CTDSPL2: variants seen among roughly 807,000 people sequenced by gnomAD.
CTDSPL2 encodes the protein CTD small phosphatase-like protein 2.
In CTDSPL2, 5 loss-of-function variants were observed where a neutral mutation model predicts 60.0. The observed-to-expected ratio is 0.08, with a 90% CI of 0.04 to 0.18. The LOEUF is 0.18. Among genes scored for constraint, CTDSPL2 ranks in the 10% least tolerant of loss-of-function variants. CTDSPL2 has a pLI of 1.00. For synonymous variants in CTDSPL2, 186 were observed against 189.3 expected (o/e 0.98, Z 0.14); for missense variants, 370 against 548.8 (o/e 0.67, Z 3.26).
chr15:44,489,859 C>CT (rs1442318949), intron 4 of CTDSPL2, among the ~76,000 whole-genome samples: 2 of 152,084 alleles, frequency 1.3e-5, no homozygotes, highest in East Asian at 1.9e-4. Flanking sequence ...AAAGAGCAGA[C>CT]TTTTTTTGCA....
intron 2 of CTDSPL2, among the ~76,000 whole-genome samples, chr15:44,468,542 T>C (rs1300114238): frequency 6.6e-6 from 1 of 152,232 alleles, no homozygotes; most frequent in Non-Finnish European, 1.5e-5. Flanking sequence ...GATTTACTTT[T>C]ACTTTTGTAG....
At chr15:44,495,734 GAC>G in intron 5 of CTDSPL2, among the ~76,000 whole-genome samples, 1 of 151,794 alleles carries the variant, frequency 6.6e-6, no homozygotes, top group East Asian at 1.9e-4. Context: ...GGGTGTTTGA[GAC>G]CAGCCAGACC....
At chr15:44,467,097 G>C (rs528581636) in intron 2 of CTDSPL2, among the ~76,000 whole-genome samples, 1 of 152,250 alleles carries the variant, frequency 6.6e-6, no homozygotes, top group Non-Finnish European at 1.5e-5. Context: ...TTCTATATGT[G>C]GTCTGCTGTT....
At chr15:44,446,754 CTTT>C (rs71111859) in intron 1 of CTDSPL2, among the ~76,000 whole-genome samples, 8 of 73,598 alleles carry the variant, frequency 1.1e-4, no homozygotes, top group East Asian at 3.9e-4. Context: ...TCTTGGGGAA[CTTT>C]TTTTTTTTTT....
chr15:44,526,912 A>G lies in CTDSPL2; in HGVS notation c.*2738A>G, dbSNP rs1729540973. On this transcript the variant is annotated 3_prime_UTR_variant, in exon 13 of 13. Coordinates refer to ENST00000260327, the MANE Select transcript of CTDSPL2 (RefSeq NM_016396.3). ...CATTACAACTCTGGAGTACATATTA[A>G]AGTCGTGCTATTTCCAGTGGTAAAT... The G allele has an allele frequency of 6.6e-6, 1 of 152,574 alleles. No individual in the cohort carries two copies. Among genetic ancestry groups the G allele is most frequent in the African/African-American group, 2.4e-5 (1 of 41,458 alleles). 9.5% of individuals were successfully genotyped at this position (152,574 alleles called of 1,614,324 possible). A position where few individuals can be genotyped will look rare whatever the true frequency, so the allele number is the denominator to read the frequency against.
At chr15:44,523,193 C>T (rs1393231380) in intron 12 of CTDSPL2, among the ~76,000 whole-genome samples, 2 of 152,052 alleles carry the variant, frequency 1.3e-5, no homozygotes, top group East Asian at 1.9e-4. Context: ...GACTGGGTTT[C>T]ACCACATTGG....
At chr15:44,493,137 A>G (rs961536396) in intron 5 of CTDSPL2, among the ~76,000 whole-genome samples, 22 of 151,884 alleles carry the variant, frequency 1.4e-4, no homozygotes, top group African/African-American at 5.3e-4. Flanking sequence ...GGAGTTTGTG[A>G]TCTAATTGAA....
At chr15:44,481,700 A>G (rs926650459) in intron 2 of CTDSPL2, among the ~76,000 whole-genome samples, 1 of 152,088 alleles carries the variant, frequency 6.6e-6, no homozygotes, top group Admixed American at 6.6e-5. Context: ...CAGCCTCCCA[A>G]GTAGCTGGGA....
intron 1 of CTDSPL2, among the ~76,000 whole-genome samples, chr15:44,444,682 G>A (rs2080165941): frequency 6.7e-6 from 1 of 150,080 alleles, no homozygotes; most frequent in African/African-American, 2.4e-5. Context: ...CTAATGTTTA[G>A]GTATTTGATC....
At chr15:44,470,657 A>G (rs1320425854) in intron 2 of CTDSPL2, 1 of 152,150 alleles carries the variant, frequency 6.6e-6, no homozygotes, top group East Asian at 1.9e-4. Flanking sequence ...CATGTTGGCC[A>G]GCCTGGTCTT....
intron 2 of CTDSPL2, 60 bp downstream of exon 2, chr15:44,459,260 G>T (rs2080512419): frequency 7.8e-7 from 1 of 1,276,212 alleles, no homozygotes; most frequent in African/African-American, 1.5e-5. Flanking sequence ...GGGCACGGTG[G>T]CTCACGCCTG....
In CTDSPL2 at chr15:44,434,363, G is replaced by A. The variant is rs547741993; in HGVS notation, c.-25+6591G>A. On this transcript the variant is annotated intron_variant, in intron 1 of 12. Coordinates refer to ENST00000260327, the MANE Select transcript of CTDSPL2 (RefSeq NM_016396.3). ...TGCAGTGAGCTGAGATCGTGCCACT[G>A]CACTGCAGCCTGACGGCAGAGCAAG... 3.3e-5 allele frequency among the ~76,000 whole-genome samples: 5 copies of A among 152,256 alleles called. No homozygotes were observed. The East Asian group carries it at 7.7e-4, about 24-fold the overall frequency.
rs751681829 is a variant in CTDSPL2, at chr15:44,486,741, A to G, written c.475+41A>G. The G allele has an allele frequency of 4.7e-5, 63 of 1,339,666 alleles. 2 individuals carry two copies. The East Asian group carries it at 1.6e-3, about 35-fold the overall frequency. The allele number at this position is 1,339,666 out of a possible 1,614,324, so 83.0% of individuals were successfully genotyped here. ...TAACTGTGATTTGGATTTTTTTTAA[A>G]AAAATGCATAGTTTGGGTTTTTTTT... On this transcript the variant is annotated intron_variant, in intron 4 of 12. Transcript: ENST00000260327.
chr15:44,491,741 A>G (rs546710134), intron 5 of CTDSPL2, among the ~76,000 whole-genome samples: 3 of 152,324 alleles, frequency 2.0e-5, no homozygotes, highest in Admixed American at 6.5e-5. Context: ...CAGTAAATAT[A>G]TATTAGTTAA....
intron 1 of CTDSPL2, among the ~76,000 whole-genome samples, chr15:44,458,571 C>G (rs1364246138): frequency 2.0e-5 from 3 of 152,174 alleles, no homozygotes; most frequent in African/African-American, 7.2e-5. Context: ...AAAAGCAAAA[C>G]CTTTCCTTAT....
chr15:44,486,520 G>T, intron 3 of CTDSPL2, 31 bp from the exon 4 acceptor site: 2 of 1,465,920 alleles, frequency 1.4e-6, no homozygotes, highest in South Asian at 1.4e-5. Context: ...GTGTTTTCTA[G>T]ATCATGACTT....
chr15:44,510,836 T>C (rs2081553546), intron 8 of CTDSPL2, among the ~76,000 whole-genome samples: 1 of 152,232 alleles, frequency 6.6e-6, no homozygotes, highest in Non-Finnish European at 1.5e-5. Context: ...AATGGTAGTC[T>C]CAAGAGTTAA....
At chr15:44,513,037 A>C (rs1490331186) in intron 8 of CTDSPL2, among the ~76,000 whole-genome samples, 1 of 150,910 alleles carries the variant, frequency 6.6e-6, no homozygotes, top group East Asian at 1.9e-4. Context: ...ACGCCACTGC[A>C]TTCCAGCCTG....
chr15:44,438,828 C>T (rs1432991696), intron 1 of CTDSPL2, among the ~76,000 whole-genome samples: 2 of 152,182 alleles, frequency 1.3e-5, no homozygotes, highest in African/African-American at 4.8e-5. Context: ...CCCACTACCT[C>T]TTTAATCCTT....
Sources: gnomAD v4.1 joint callset for allele counts (sites outside exome capture counted in the v4.1 genomes callset) on GRCh38, gnomAD v4.1.1 for gene constraint, MANE v1.5 for transcripts, NCBI Gene and HGNC (gene_info 2026-07-23, HGNC 2026-07-21) for gene names.